Variants in HTR2C observed in about 807,000 individuals in gnomAD.
The protein encoded by HTR2C is 5-hydroxytryptamine (serotonin) receptor 2C, G protein-coupled.
A neutral mutation model predicts 21.0 loss-of-function variants in HTR2C; 5 were observed. The observed-to-expected ratio is 0.24, with a 90% CI of 0.12 to 0.50. The LOEUF (loss-of-function observed/expected upper bound fraction) is 0.50, where lower values mean the gene tolerates loss of function less well. Among genes scored for constraint, HTR2C ranks in the 20% least tolerant of loss-of-function variants. The pLI is 0.98. For synonymous variants in HTR2C, 150 were observed against 145.3 expected, an observed-to-expected ratio of 1.03 and a Z score of -0.23; for missense variants, 271 against 371.2, an observed-to-expected ratio of 0.73 and a Z score of 2.22.
chrX:114,614,983 C>G (rs868943769), intron 2 of HTR2C, among the ~76,000 whole-genome samples: 19 of 111,781 alleles, frequency 1.7e-4, no homozygotes, highest in Admixed American at 1.3e-3. Flanking sequence ...GGAGGAAGAA[C>G]TGATACGATG....
chrX:114,811,149 T>C (rs1602828461), intron 4 of HTR2C, among the ~76,000 whole-genome samples: 3 of 111,648 alleles, frequency 2.7e-5, no homozygotes, highest in Admixed American at 1.9e-4. Context: ...CTTTCCCGCA[T>C]CAGGCAAAAT....
intron 2 of HTR2C, among the ~76,000 whole-genome samples, chrX:114,666,841 G>C (rs1438062870): frequency 3.6e-5 from 4 of 111,657 alleles, no homozygotes; most frequent in African/African-American, 1.3e-4. Context: ...GAAATGTACT[G>C]TAAGTTACTT....
chrX:114,676,437 G>T (rs982782228), intron 2 of HTR2C, among the ~76,000 whole-genome samples: 1 of 105,263 alleles, frequency 9.5e-6, no homozygotes, highest in African/African-American at 3.3e-5. Context: ...TTCCACTTCA[G>T]CTTTCTGAGG....
rs782288115 is a variant in HTR2C, at chrX:114,778,121, T to C, written c.349+46514T>C. 1.3e-4 allele frequency among the ~76,000 whole-genome samples: 15 copies of C among 111,648 alleles called. No homozygotes were observed. In the South Asian group the frequency reaches 3.8e-3, roughly 28 times the overall value. Reference sequence around the variant, plus strand: ...AAAGTAGAATGTACTGGAAGTGCCATGTCAGTTCATCTGTCAATAAACATA... The same window carrying C: ...AAAGTAGAATGTACTGGAAGTGCCACGTCAGTTCATCTGTCAATAAACATA... On this transcript the variant is annotated intron_variant, in intron 4 of 5. Coordinates refer to ENST00000276198, the MANE Select transcript of HTR2C (RefSeq NM_000868.4).
At chrX:114,871,295 T>C (rs950720621) in intron 5 of HTR2C, among the ~76,000 whole-genome samples, 1 of 112,150 alleles carries the variant, frequency 8.9e-6, no homozygotes, top group African/African-American at 3.2e-5. Flanking sequence ...ATGCTTGATA[T>C]TATTTTAGTT....
chrX:114,766,209 A>G (rs1188328903), intron 4 of HTR2C, among the ~76,000 whole-genome samples: 1 of 111,607 alleles, frequency 9.0e-6, no homozygotes, highest in Non-Finnish European at 1.9e-5. Context: ...TGCCACTTTG[A>G]ACAAGTTACT....
rs73638445 is a variant in HTR2C, at chrX:114,600,673, C to T, written c.-146-13142C>T. ...AAGGCAGTTATAATAACACAGGAAA[C>T]ATTTTGACTGCATATTCCATGAAAT... On this transcript the variant is annotated intron_variant, in intron 1 of 5. Coordinates refer to ENST00000276198, the MANE Select transcript of HTR2C (RefSeq NM_000868.4). 8.6e-3 allele frequency among the ~76,000 whole-genome samples: 962 copies of T among 111,277 alleles called. 12 individuals carry two copies. The highest frequency in any genetic ancestry group is 0.029 in the African/African-American group (898 of 30,700).
chrX:114,660,157 T>C (rs958977648), intron 2 of HTR2C, among the ~76,000 whole-genome samples: 2 of 111,752 alleles, frequency 1.8e-5, no homozygotes, highest in Non-Finnish European at 1.9e-5. Flanking sequence ...TAATAACCAG[T>C]ATGTCAGCTT....
chrX:114,634,064 T>C (rs1252738456), intron 2 of HTR2C, among the ~76,000 whole-genome samples: 1 of 110,037 alleles, frequency 9.1e-6, no homozygotes, highest in Non-Finnish European at 1.9e-5. Context: ...TTTCCCTTAC[T>C]ACTTCCTCCA....
intron 4 of HTR2C, among the ~76,000 whole-genome samples, chrX:114,839,239 T>A (rs2070813176): frequency 8.9e-6 from 1 of 112,072 alleles, no homozygotes; most frequent in Admixed American, 9.4e-5. Context: ...TACCTTAAGG[T>A]ATTGGACAGG....
intron 4 of HTR2C, among the ~76,000 whole-genome samples, chrX:114,733,630 A>G (rs1384026144): frequency 9.2e-6 from 1 of 109,107 alleles, no homozygotes; most frequent in Non-Finnish European, 1.9e-5. Flanking sequence ...AGGAAAAAGA[A>G]GCAAGAGGGG....
In HTR2C at chrX:114,714,575, A is replaced by G. The variant is rs143529293; in HGVS notation, c.-79-12283A>G. On this transcript the variant is annotated intron_variant, in intron 2 of 5. Coordinates refer to ENST00000276198, the MANE Select transcript of HTR2C (RefSeq NM_000868.4). ...TAAAAGTCACTTTCGCATTCCTTTC[A>G]AACAAAAGGCTTTGTCAGGTGAATG... Among the ~76,000 whole-genome samples, 382 of 112,227 alleles carry G rather than the reference A, an allele frequency of 3.4e-3. 3 individuals carry two copies. The highest frequency in any genetic ancestry group is 6.2e-3 in the Non-Finnish European group (328 of 53,131).
intron 2 of HTR2C, among the ~76,000 whole-genome samples, chrX:114,719,430 A>T (rs1277668967): frequency 1.8e-5 from 2 of 111,587 alleles, no homozygotes; most frequent in African/African-American, 6.5e-5. Flanking sequence ...GCAAAATATC[A>T]TCATCACAGT....
chrX:114,860,955 T>C (rs1230848320), intron 5 of HTR2C, among the ~76,000 whole-genome samples: 2 of 111,644 alleles, frequency 1.8e-5, no homozygotes, highest in Non-Finnish European at 3.8e-5. Context: ...CAGGATGTTA[T>C]GAGATACATA....
In HTR2C at chrX:114,654,633, A is replaced by G. The variant is rs992528551; in HGVS notation, c.-80+40752A>G. Among the ~76,000 whole-genome samples the G allele has an allele frequency of 4.5e-5, 5 of 110,319 alleles. No homozygotes were observed. The East Asian group carries it at 1.4e-3, about 31-fold the overall frequency. ...GTACCCTAATACTTGGTTCTGTACT[A>G]GGAGCTGCAGATACAGCAATGAATA... On this transcript the variant is annotated intron_variant, in intron 2 of 5. Coordinates refer to ENST00000276198, the MANE Select transcript of HTR2C (RefSeq NM_000868.4).
chrX:114,701,766 C>A (rs1189286534), intron 2 of HTR2C, among the ~76,000 whole-genome samples: 1 of 111,788 alleles, frequency 8.9e-6, no homozygotes, highest in East Asian at 2.8e-4. Context: ...CTACTCCGAG[C>A]TACAGGAGGA....
chrX:114,608,913 G>A (rs1204373176), intron 1 of HTR2C, among the ~76,000 whole-genome samples: 16 of 111,812 alleles, frequency 1.4e-4, no homozygotes, highest in African/African-American at 5.2e-4. Flanking sequence ...TTTTGTGTAC[G>A]TGGTATTTGC....
At chrX:114,750,459 C>A (rs1306552013) in intron 4 of HTR2C, among the ~76,000 whole-genome samples, 1 of 112,174 alleles carries the variant, frequency 8.9e-6, no homozygotes, top group Non-Finnish European at 1.9e-5. Context: ...TCAACACTGT[C>A]TAGAGGCAAG....
intron 4 of HTR2C, among the ~76,000 whole-genome samples, chrX:114,804,717 C>T (rs2070384869): frequency 9.0e-6 from 1 of 111,597 alleles, no homozygotes; most frequent in Non-Finnish European, 1.9e-5. Context: ...CCATTTAACA[C>T]CTTCAGCTAG....
Sources: allele counts gnomAD v4.1 joint callset (sites outside exome capture counted in the v4.1 genomes callset), GRCh38; gene constraint gnomAD v4.1.1; transcripts MANE v1.5; gene names NCBI Gene and HGNC (gene_info 2026-07-23, HGNC 2026-07-21).